The following ADD3 variants were observed in gnomAD, a reference collection of about 807,000 sequenced individuals.
The protein encoded by ADD3 is gamma-adducin.
In ADD3, 25 loss-of-function variants were observed where a neutral mutation model predicts 80.2. That is an observed-to-expected ratio of 0.31 (90% CI 0.23 to 0.44). The LOEUF (loss-of-function observed/expected upper bound fraction) is 0.44. Among genes scored for constraint, ADD3 ranks in the 20% least tolerant of loss-of-function variants. ADD3 has a pLI of 1.00. For missense variants in ADD3, 829 were observed against 847.5 expected (o/e 0.98, Z 0.27); for synonymous variants, 284 against 289.6 (o/e 0.98, Z 0.20).
intron 1 of ADD3, among the ~76,000 whole-genome samples, chr10:110,034,103 G>C (rs1855364817): frequency 6.6e-6 from 1 of 152,082 alleles, no homozygotes; most frequent in South Asian, 2.1e-4. Context: ...TGGAGCTCCT[G>C]TTTCTTAGAA....
chr10:110,116,127 A>G (rs1850700898), intron 3 of ADD3, 132 bp from the exon 4 acceptor site: 3 of 762,830 alleles, frequency 3.9e-6, no homozygotes, highest in African/African-American at 3.5e-5. Flanking sequence ...AAAATATTAT[A>G]TGGGCTGATA....
upstream of ADD3, among the ~76,000 whole-genome samples, chr10:110,003,302 G>GGGGTGTGTGTGTGTGTGTGTGTGTGTGT (rs140966434): frequency 2.0e-5 from 3 of 146,942 alleles, no homozygotes; most frequent in South Asian, 2.2e-4. Flanking sequence ...GAACAGTAAG[G>GGGGTGTGTGTGTGTGTGTGTGTGTGTGT]GTGTGTGTGT....
At chr10:110,131,639 T>C (rs368541616) in intron 13 of ADD3, among the ~76,000 whole-genome samples, 1 of 152,244 alleles carries the variant, frequency 6.6e-6, no homozygotes, top group South Asian at 2.1e-4. Context: ...TTGTCCTGAT[T>C]CATTAATGTA....
In ADD3 at chr10:110,112,933, A is replaced by C; in HGVS notation, c.334+18A>C. Reference sequence around the variant, plus strand: ...TCCTCTCAGTATGTCAGTTTTGGAGAGTTTTAAACATTATAATTTTACTTC... The same window carrying C: ...TCCTCTCAGTATGTCAGTTTTGGAGCGTTTTAAACATTATAATTTTACTTC... On this transcript the variant is annotated intron_variant, in intron 3 of 14. Coordinates refer to ENST00000356080, the MANE Select transcript of ADD3 (RefSeq NM_016824.5). 6.2e-7 allele frequency: 1 copy of C among 1,606,700 alleles called. No homozygotes were observed. The highest frequency in any genetic ancestry group is 8.5e-7 in the Non-Finnish European group (1 of 1,177,322).
chr10:110,112,105 C>T (rs1221585159), intron 2 of ADD3: 1 of 152,022 alleles, frequency 6.6e-6, no homozygotes. Flanking sequence ...AAGTTGTGCC[C>T]CATTCACATG....
At chr10:110,127,809 G>T (rs948541423) in intron 12 of ADD3, among the ~76,000 whole-genome samples, 11 of 152,164 alleles carry the variant, frequency 7.2e-5, no homozygotes, top group African/African-American at 2.7e-4. Context: ...CCTGTATCTT[G>T]TGTCTTCTGC....
intron 1 of ADD3, among the ~76,000 whole-genome samples, chr10:110,057,668 A>G (rs1236881085): frequency 1.3e-5 from 2 of 152,212 alleles, no homozygotes. Flanking sequence ...TCTAGTCAAT[A>G]AAACAAAACT....
intron 14 of ADD3, among the ~76,000 whole-genome samples, chr10:110,133,104 T>G (rs984932322): frequency 9.2e-5 from 14 of 152,202 alleles, no homozygotes; most frequent in African/African-American, 3.4e-4. Context: ...TGGGATTATC[T>G]AGCTTTTGCT....
intron 2 of ADD3, among the ~76,000 whole-genome samples, chr10:110,101,788 A>T (rs923975778): frequency 6.6e-6 from 1 of 152,212 alleles, no homozygotes; most frequent in South Asian, 2.1e-4. Context: ...GAACAGCTTG[A>T]TTTAAAATGC....
intron 1 of ADD3, among the ~76,000 whole-genome samples, chr10:110,051,035 C>T (rs543839912): frequency 2.0e-5 from 3 of 152,112 alleles, no homozygotes; most frequent in South Asian, 2.1e-4. Flanking sequence ...TTTTTGACAA[C>T]GGTGCCAGCA....
intron 8 of ADD3, 47 bp from the exon 9 acceptor site, chr10:110,122,063 C>T: frequency 1.3e-6 from 2 of 1,506,488 alleles, no homozygotes; most frequent in Admixed American, 2.0e-5. Flanking sequence ...ATACTCATTA[C>T]AGTCTTTATA....
At position 110,014,518 on chromosome 10, in the gene ADD3, G is replaced by GT. The variant is rs1305768747; in HGVS notation, c.-30+6226dup. Among the ~76,000 whole-genome samples the GT allele has an allele frequency of 2.6e-5, 4 of 152,110 alleles. No homozygotes were observed. The South Asian group carries it at 6.2e-4, about 24-fold the overall frequency. On this transcript the variant is annotated intron_variant, in intron 1 of 14. Coordinates refer to ENST00000356080, the MANE Select transcript of ADD3 (RefSeq NM_016824.5). The stretch of plus-strand genomic sequence containing the variant: ...CCTCTTACCTTGCCTTTCTTTTACA[G>GT]TTTTTTTATTTTTATTTTTTTTGAG...
upstream of ADD3, among the ~76,000 whole-genome samples, chr10:110,005,126 G>A (rs991019239): frequency 1.3e-5 from 2 of 151,966 alleles, no homozygotes; most frequent in African/African-American, 4.8e-5. Context: ...GCAGTGGCGC[G>A]ATCTTGGCTC....
In ADD3 at chr10:110,092,785, GA is replaced by G. The variant is rs1000709322; in HGVS notation, c.-29-7830del. 2.8e-3 allele frequency among the ~76,000 whole-genome samples: 418 copies of G among 147,084 alleles called. 1 individual carries two copies. The highest frequency in any genetic ancestry group is 6.0e-3 in the Admixed American group (88 of 14,778). On this transcript the variant is annotated intron_variant, in intron 1 of 14. Transcript: ENST00000356080. ...TAAATATAATTTTATTTTTTAAACT[GA>G]AAAAAAAAACCCCTCAGTTTTCTTA...
intron 1 of ADD3, among the ~76,000 whole-genome samples, chr10:110,071,755 A>G (rs1432048564): frequency 6.6e-6 from 1 of 152,238 alleles, no homozygotes; most frequent in Admixed American, 6.5e-5. Context: ...AAGATACAAT[A>G]CAACCTCACT....
chr10:110,110,183 A>G lies in ADD3; in HGVS notation c.196-2594A>G, dbSNP rs546736572. Among the ~76,000 whole-genome samples the G allele has an allele frequency of 2.0e-5, 3 of 152,350 alleles. No homozygotes were observed. The East Asian group carries it at 5.8e-4, about 29-fold the overall frequency. The stretch of plus-strand genomic sequence containing the variant: ...TCAAATATCCACTTGCCTTATTAGC[A>G]GAAAGTACACCATCTTTCTCTTGGA... On this transcript the variant is annotated intron_variant, in intron 2 of 14. Coordinates refer to ENST00000356080, the MANE Select transcript of ADD3 (RefSeq NM_016824.5).
chr10:110,065,726 G>C (rs976375785), intron 1 of ADD3, among the ~76,000 whole-genome samples: 3 of 150,530 alleles, frequency 2.0e-5, no homozygotes, highest in African/African-American at 7.3e-5. Context: ...TTTTAGTAGA[G>C]ACGAGGTTTC....
At chr10:110,008,999 T>A (rs1326683865) in intron 1 of ADD3, among the ~76,000 whole-genome samples, 1 of 152,130 alleles carries the variant, frequency 6.6e-6, no homozygotes, top group Non-Finnish European at 1.5e-5. Context: ...TATTATAGCT[T>A]AGGCAAGACC....
At chr10:110,070,579 T>C (rs905954785) in intron 1 of ADD3, among the ~76,000 whole-genome samples, 1 of 152,224 alleles carries the variant, frequency 6.6e-6, no homozygotes, top group African/African-American at 2.4e-5. Context: ...GAAATCCCTC[T>C]AATATGTACA....
Sources: allele counts gnomAD v4.1 joint callset (sites outside exome capture counted in the v4.1 genomes callset), GRCh38; gene constraint gnomAD v4.1.1; transcripts MANE v1.5; gene names NCBI Gene and HGNC (gene_info 2026-07-23, HGNC 2026-07-21).